OVCH1: variants seen among roughly 807,000 people sequenced by gnomAD.
OVCH1 encodes the protein ovochymase 1.
In OVCH1, 139 loss-of-function variants were observed where a neutral mutation model predicts 138.4. The ratio of observed to expected loss-of-function variants is 1.00; its 90% CI spans 0.87 to 1.16. The LOEUF (loss-of-function observed/expected upper bound fraction) is 1.16. Ranked by LOEUF, OVCH1 falls within the 50% of genes most tolerant of loss-of-function variation. The probability of loss-of-function intolerance (pLI) is 0.00; values close to 1 mark genes in which losing one functional copy is unlikely to be tolerated. For missense variants in OVCH1, 1,367 were observed against 1,357.9 expected, an observed-to-expected ratio of 1.01 and a Z score of -0.11; for synonymous variants, 453 against 467.8, an observed-to-expected ratio of 0.97 and a Z score of 0.41.
At chr12:29,448,755 T>C (rs1456183772) in intron 22 of OVCH1, among the ~76,000 whole-genome samples, 3 of 152,114 alleles carry the variant, frequency 2.0e-5, no homozygotes, top group Non-Finnish European at 4.4e-5. Flanking sequence ...TAAGCAAACA[T>C]TTTTGCTTTC....
At chr12:29,461,934 A>C (rs1358725347) in exon 19 of OVCH1, 1 of 1,613,892 alleles carries the variant, frequency 6.2e-7, no homozygotes, top group South Asian at 1.1e-5. Flanking sequence ...TGGGCAGAAT[A>C]GTAAGTGTGT....
At chr12:29,481,458 A>G (rs1307695819) in intron 8 of OVCH1, among the ~76,000 whole-genome samples, 1 of 152,118 alleles carries the variant, frequency 6.6e-6, no homozygotes, top group Non-Finnish European at 1.5e-5. Context: ...TAAACTATTT[A>G]TATCTTAACT....
At chr12:29,464,270 C>T (rs937886843) in intron 18 of OVCH1, 6 of 546,830 alleles carry the variant, frequency 1.1e-5, no homozygotes, top group Non-Finnish European at 2.0e-5. Context: ...TGGCCCATTA[C>T]AGTAAAGGTT....
At chr12:29,451,258 A>G in intron 22 of OVCH1, 87 bp downstream of exon 22, 1 of 1,024,566 alleles carries the variant, frequency 9.8e-7, no homozygotes, top group Non-Finnish European at 1.4e-6. Flanking sequence ...TGGTAACATT[A>G]TTACCAAGTC....
intron 9 of OVCH1, 149 bp from the exon 11 acceptor site, chr12:29,477,627 T>G (rs763074623): frequency 3.6e-5 from 58 of 1,596,680 alleles, no homozygotes; most frequent in Non-Finnish European, 4.9e-5. Context: ...CAACATTCCC[T>G]GCTTCAGTGA....
chr12:29,418,772 T>C (rs1294297947), intron 3 of OVCH1, among the ~76,000 whole-genome samples: 1 of 152,216 alleles, frequency 6.6e-6, no homozygotes, highest in African/African-American at 2.4e-5. Context: ...GTATTTGTCA[T>C]AAGGGAGTGA....
At chr12:29,437,381 A>G (rs747294163) in intron 26 of OVCH1, among the ~76,000 whole-genome samples, 1 of 152,216 alleles carries the variant, frequency 6.6e-6, no homozygotes, top group Non-Finnish European at 1.5e-5. Context: ...TTTTCATATT[A>G]TGAATCCCCT....
At chr12:29,425,521 GTGA>G (rs1941166501), downstream of OVCH1, among the ~76,000 whole-genome samples, 1 of 152,180 alleles carries the variant, frequency 6.6e-6, no homozygotes, top group African/African-American at 2.4e-5. Flanking sequence ...AGGCATCAAT[GTGA>G]TGACTACCAC....
chr12:29,454,981 C>G (rs377702457), intron 20 of OVCH1, 48 bp from the exon 21 acceptor site: 1 of 1,477,982 alleles, frequency 6.8e-7, no homozygotes, highest in Non-Finnish European at 9.3e-7. Flanking sequence ...AGCCTGAGAA[C>G]AAAATATAGT....
In OVCH1 at chr12:29,418,091, C is replaced by T. The variant is rs188265456; in HGVS notation, c.*71+5036G>A. Among the ~76,000 whole-genome samples the T allele has an allele frequency of 3.9e-4, 59 of 152,302 alleles. 2 individuals carry two copies. The East Asian group carries it at 9.4e-3, about 24-fold the overall frequency. On this transcript the variant is annotated intron_variant and NMD_transcript_variant, in intron 3 of 4. Transcript: ENST00000539117. The stretch of plus-strand genomic sequence containing the variant: ...TTACAGTTCCCGCAGTATGTTTTCT[C>T]ACTGAATGTTCACCTGTGCTAAGTA...
intron 3 of OVCH1, among the ~76,000 whole-genome samples, chr12:29,421,544 AATC>A (rs1941104417): frequency 6.6e-6 from 1 of 152,194 alleles, no homozygotes; most frequent in African/African-American, 2.4e-5. Flanking sequence ...TATTGCATCT[AATC>A]ATGAAATTAT....
intron 25 of OVCH1, among the ~76,000 whole-genome samples, chr12:29,441,675 T>C (rs1389641981): frequency 6.6e-6 from 1 of 152,154 alleles, no homozygotes; most frequent in African/African-American, 2.4e-5. Flanking sequence ...AACATCAGAT[T>C]GAACAGGCAA....
intron 12 of OVCH1, 36 bp from the exon 13 acceptor site, chr12:29,476,335 AAGAAG>A (rs764698160): frequency 2.0e-6 from 3 of 1,516,586 alleles, no homozygotes; most frequent in Non-Finnish European, 2.7e-6. Flanking sequence ...GAAATGGTCA[AAGAAG>A]AGAAGAGAGA....
chr12:29,466,246 T>TA (rs1217165469), intron 16 of OVCH1, among the ~76,000 whole-genome samples: 3 of 151,988 alleles, frequency 2.0e-5, no homozygotes, highest in Non-Finnish European at 4.4e-5. Flanking sequence ...TAAAGTATAA[T>TA]AAAAAATATA....
chr12:29,482,360 A>G (rs765033864), intron 8 of OVCH1, among the ~76,000 whole-genome samples: 26 of 152,018 alleles, frequency 1.7e-4, no homozygotes, highest in Non-Finnish European at 3.8e-4. Flanking sequence ...TTCAAGTATC[A>G]TCTTTATAAC....
At chr12:29,428,893 G>A (rs1162189559) in intron 27 of OVCH1, among the ~76,000 whole-genome samples, 2 of 152,296 alleles carry the variant, frequency 1.3e-5, no homozygotes, top group African/African-American at 4.8e-5. Context: ...TCTCATGATG[G>A]AATACTGCCA....
At chr12:29,456,679 A>G (rs1480860111) in intron 19 of OVCH1, among the ~76,000 whole-genome samples, 4 of 152,340 alleles carry the variant, frequency 2.6e-5, no homozygotes, top group African/African-American at 9.6e-5. Context: ...CACCAAATAC[A>G]TGCCCTTGTT....
chr12:29,446,991 GAAT>G (rs764465153), intron 22 of OVCH1, among the ~76,000 whole-genome samples: 8 of 151,674 alleles, frequency 5.3e-5, no homozygotes, highest in Non-Finnish European at 1.0e-4. Context: ...ACAATACTAA[GAAT>G]AAGCATTAGG....
chr12:29,479,795 G>A (rs973351300), intron 8 of OVCH1, among the ~76,000 whole-genome samples: 50 of 150,466 alleles, frequency 3.3e-4, no homozygotes, highest in African/African-American at 7.1e-4. Flanking sequence ...TTTTTTAACC[G>A]GACATCTTAA....
Sources: allele counts gnomAD v4.1 joint callset (sites outside exome capture counted in the v4.1 genomes callset), GRCh38; gene constraint gnomAD v4.1.1; transcripts MANE v1.5; gene names NCBI Gene and HGNC (gene_info 2026-07-23, HGNC 2026-07-21).